LRRC4C: variants seen among roughly 807,000 people sequenced by gnomAD.
LRRC4C encodes leucine-rich repeat-containing protein 4C.
LRRC4C carries 5 observed loss-of-function variants against 33.6 expected under a neutral mutation model. That is an observed-to-expected ratio of 0.15 (90% confidence interval 0.08 to 0.31). The LOEUF (loss-of-function observed/expected upper bound fraction) is 0.31, where lower values mean the gene tolerates loss of function less well. Ranked by LOEUF, LRRC4C falls within the 10% of genes least tolerant of loss-of-function variation. The pLI, the probability that LRRC4C is intolerant of heterozygous loss-of-function variation, is 1.00. For synonymous variants in LRRC4C, 329 were observed against 302.0 expected, an observed-to-expected ratio of 1.09 and a Z score of -0.93; for missense variants, 560 against 796.7, an observed-to-expected ratio of 0.70 and a Z score of 3.58.
chr11:41,201,982 T>A (rs1203902433), intron 1 of LRRC4C, among the ~76,000 whole-genome samples: 1 of 151,724 alleles, frequency 6.6e-6, no homozygotes, highest in Non-Finnish European at 1.5e-5. Context: ...TAGGGAAAAG[T>A]GGAAAGTAAA....
chr11:40,734,672 T>C (rs1416845803), intron 2 of LRRC4C, among the ~76,000 whole-genome samples: 2 of 151,978 alleles, frequency 1.3e-5, no homozygotes, highest in African/African-American at 4.8e-5. Flanking sequence ...GGAGACAAAA[T>C]GTTCTTTGAA....
At chr11:41,019,234 A>G (rs1373939247) in intron 1 of LRRC4C, among the ~76,000 whole-genome samples, 2 of 151,926 alleles carry the variant, frequency 1.3e-5, no homozygotes, top group African/African-American at 2.4e-5. Context: ...TGTGTCCTCA[A>G]TGTTCAACTC....
chr11:41,202,151 G>C (rs1946424998), intron 1 of LRRC4C, among the ~76,000 whole-genome samples: 1 of 152,020 alleles, frequency 6.6e-6, no homozygotes, highest in Admixed American at 6.6e-5. Context: ...TTTTCTCTCT[G>C]ATAAACTAGA....
At chr11:40,677,532 G>A (rs1944466265) in intron 2 of LRRC4C, among the ~76,000 whole-genome samples, 1 of 152,116 alleles carries the variant, frequency 6.6e-6, no homozygotes, top group Admixed American at 6.5e-5. Context: ...AGATTTTCTT[G>A]ATTATGTATA....
At chr11:40,230,111 T>C (rs1467486428) in intron 5 of LRRC4C, among the ~76,000 whole-genome samples, 1 of 152,168 alleles carries the variant, frequency 6.6e-6, no homozygotes, top group Non-Finnish European at 1.5e-5. Flanking sequence ...AAGTACTAAA[T>C]ATCAGTGATG....
chr11:40,485,665 G>A (rs999807274), intron 3 of LRRC4C, among the ~76,000 whole-genome samples: 5 of 151,896 alleles, frequency 3.3e-5, no homozygotes, highest in African/African-American at 9.7e-5. Context: ...GTATATACCC[G>A]AAGGAATATA....
intron 5 of LRRC4C, among the ~76,000 whole-genome samples, chr11:40,228,162 C>T (rs1864946352): frequency 6.6e-6 from 1 of 152,152 alleles, no homozygotes; most frequent in African/African-American, 2.4e-5. Context: ...ATCATCTAGT[C>T]TAAATAGAAT....
At chr11:41,227,424 C>G (rs914542024) in intron 1 of LRRC4C, among the ~76,000 whole-genome samples, 3 of 152,038 alleles carry the variant, frequency 2.0e-5, no homozygotes, top group Non-Finnish European at 4.4e-5. Flanking sequence ...ATTACATATT[C>G]CAAAAGTACA....
In LRRC4C at chr11:40,147,536, T is replaced by C. The variant is rs112443205; in HGVS notation, c.-95-6683A>G. Among the ~76,000 whole-genome samples, 560 of 152,110 alleles carry C rather than the reference T, an allele frequency of 3.7e-3. 6 individuals carry two copies. The highest frequency in any genetic ancestry group is 0.012 in the African/African-American group (517 of 41,508). Reference sequence around the variant, plus strand: ...TTTTCTCATTCAACATTAATTAATATCTTAAGAGCAGAGACTGTTCTAGAC... The same window carrying C: ...TTTTCTCATTCAACATTAATTAATACCTTAAGAGCAGAGACTGTTCTAGAC... On this transcript the variant is annotated intron_variant, in intron 5 of 6. Coordinates refer to ENST00000528697, the MANE Select transcript of LRRC4C (RefSeq NM_001258419.2).
chr11:41,048,836 C>T (rs567768767), intron 1 of LRRC4C, among the ~76,000 whole-genome samples: 49 of 152,282 alleles, frequency 3.2e-4, no homozygotes, highest in African/African-American at 1.2e-3. Flanking sequence ...AGCCAATGGG[C>T]ATGGACTCTG....
chr11:41,345,390 G>C (rs538452351), intron 1 of LRRC4C, among the ~76,000 whole-genome samples: 51 of 152,156 alleles, frequency 3.4e-4, no homozygotes, highest in Non-Finnish European at 1.8e-4. Flanking sequence ...AATGTATTCC[G>C]CCATGGTCTT....
At chr11:40,145,911 A>C (rs544773138) in intron 5 of LRRC4C, among the ~76,000 whole-genome samples, 1 of 152,338 alleles carries the variant, frequency 6.6e-6, no homozygotes, top group East Asian at 1.9e-4. Flanking sequence ...GAATTGTTTA[A>C]ATTAAATGCA....
At chr11:41,051,954 A>G (rs1011917747) in intron 1 of LRRC4C, among the ~76,000 whole-genome samples, 19 of 152,186 alleles carry the variant, frequency 1.2e-4, no homozygotes, top group African/African-American at 4.3e-4. Flanking sequence ...TAAAAAAACA[A>G]CACTGCCAGA....
intron 3 of LRRC4C, among the ~76,000 whole-genome samples, chr11:40,520,285 C>G (rs1048447066): frequency 6.6e-6 from 1 of 152,154 alleles, no homozygotes; most frequent in African/African-American, 2.4e-5. Context: ...GTGTTCAAAA[C>G]CTGGTAAACT....
chr11:40,216,202 A>G (rs1565145502), intron 5 of LRRC4C, among the ~76,000 whole-genome samples: 1 of 152,110 alleles, frequency 6.6e-6, no homozygotes, highest in Non-Finnish European at 1.5e-5. Flanking sequence ...ACTTGGGGTA[A>G]AGTTTTTATG....
At chr11:40,795,730 C>T (rs1950798167) in intron 2 of LRRC4C, among the ~76,000 whole-genome samples, 1 of 151,916 alleles carries the variant, frequency 6.6e-6, no homozygotes, top group South Asian at 2.1e-4. Flanking sequence ...CCTTAATGTT[C>T]AAAAGAGACG....
chr11:40,913,586 G>A (rs910604822), intron 2 of LRRC4C, among the ~76,000 whole-genome samples: 2 of 152,048 alleles, frequency 1.3e-5, no homozygotes, highest in African/African-American at 4.8e-5. Flanking sequence ...ATGCCCACAA[G>A]AGAAAGCAGG....
intron 3 of LRRC4C, among the ~76,000 whole-genome samples, chr11:40,522,097 A>G (rs977082742): frequency 2.6e-5 from 4 of 152,116 alleles, no homozygotes; most frequent in African/African-American, 4.8e-5. Context: ...ATCTCGGCCC[A>G]CTGCAACCTC....
chr11:41,372,905 C>T (rs1952805843), intron 1 of LRRC4C, among the ~76,000 whole-genome samples: 1 of 151,924 alleles, frequency 6.6e-6, no homozygotes, highest in African/African-American at 2.4e-5. Context: ...AATTTAAGGA[C>T]CTAGTTCTCA....
Sources: gnomAD v4.1 joint callset for allele counts (sites outside exome capture counted in the v4.1 genomes callset) on GRCh38, gnomAD v4.1.1 for gene constraint, MANE v1.5 for transcripts, NCBI Gene and HGNC (gene_info 2026-07-23, HGNC 2026-07-21) for gene names.